GALNT13: variants seen among roughly 807,000 people sequenced by gnomAD.
The protein encoded by GALNT13 is polypeptide N-acetylgalactosaminyltransferase 13.
Under a neutral mutation model 64.2 loss-of-function variants are expected in GALNT13, and 28 were observed. The observed-to-expected ratio is 0.44, with a 90% CI of 0.32 to 0.60. The LOEUF (loss-of-function observed/expected upper bound fraction) is 0.60, where lower values mean the gene tolerates loss of function less well. GALNT13 is among the 20% of genes least tolerant of loss of function. The pLI is 0.05. For synonymous variants in GALNT13, 214 were observed against 224.6 expected (o/e 0.95, Z 0.42); for missense variants, 577 against 669.8 (o/e 0.86, Z 1.53).
the GALNT13 span, among the ~76,000 whole-genome samples, chr2:153,638,234 T>G: frequency 6.6e-6 from 1 of 152,094 alleles, no homozygotes; most frequent in African/African-American, 2.4e-5. Context: ...TGTAAAGATA[T>G]TCATTGGATC....
At chr2:154,402,345 A>G (rs934992887) in intron 10 of GALNT13, among the ~76,000 whole-genome samples, 2 of 152,196 alleles carry the variant, frequency 1.3e-5, no homozygotes, top group African/African-American at 2.4e-5. Context: ...AACAAATTAT[A>G]TAAGTGATAC....
intron 9 of GALNT13, among the ~76,000 whole-genome samples, chr2:154,325,668 A>G (rs1694840093): frequency 6.6e-6 from 1 of 152,058 alleles, no homozygotes; most frequent in South Asian, 2.1e-4. Flanking sequence ...GTGATGCTTT[A>G]GTATAGTCAT....
chr2:153,451,317 C>T, the GALNT13 span, among the ~76,000 whole-genome samples: 2 of 152,108 alleles, frequency 1.3e-5, no homozygotes, highest in African/African-American at 4.8e-5. Flanking sequence ...TCTTCCAACC[C>T]ATATGTAACA....
chr2:153,536,203 T>C, the GALNT13 span, among the ~76,000 whole-genome samples: 6 of 152,186 alleles, frequency 3.9e-5, no homozygotes, highest in Non-Finnish European at 5.9e-5. Flanking sequence ...CAAGCTCCAA[T>C]GGTAAAACTA....
chr2:153,633,384 A>AT, the GALNT13 span, among the ~76,000 whole-genome samples: 25 of 152,216 alleles, frequency 1.6e-4, no homozygotes, highest in South Asian at 3.5e-3. Context: ...CCAAGTAGTC[A>AT]TTTTTTTCCC....
intron 4 of GALNT13, among the ~76,000 whole-genome samples, chr2:154,225,065 T>C (rs2105830623): frequency 6.6e-6 from 1 of 150,446 alleles, no homozygotes; most frequent in Non-Finnish European, 1.5e-5. Context: ...CAATAATGAA[T>C]GAAAGACTAG....
chr2:153,843,065 A>T, the GALNT13 span, among the ~76,000 whole-genome samples: 2 of 16,288 alleles, frequency 1.2e-4, no homozygotes, highest in Non-Finnish European at 3.9e-4. Flanking sequence ...ATAGGGGATT[A>T]AAAAAAAAGA....
chr2:153,779,783 G>C, the GALNT13 span, among the ~76,000 whole-genome samples: 1 of 151,994 alleles, frequency 6.6e-6, no homozygotes, highest in African/African-American at 2.4e-5. Context: ...ATAGCTAAAC[G>C]GGTTCCAATT....
chr2:153,888,683 AT>A (rs1687350135), intron 1 of GALNT13, among the ~76,000 whole-genome samples: 1 of 152,006 alleles, frequency 6.6e-6, no homozygotes, highest in Admixed American at 6.6e-5. Context: ...CATAAAATAT[AT>A]TTAAAATCAA....
At chr2:153,144,931 A>G in the GALNT13 span, among the ~76,000 whole-genome samples, 2 of 151,966 alleles carry the variant, frequency 1.3e-5, no homozygotes, top group African/African-American at 4.8e-5. Flanking sequence ...TCAAAAAATG[A>G]TATAAAGTAT....
At chr2:153,333,966 C>A in the GALNT13 span, among the ~76,000 whole-genome samples, 1 of 152,122 alleles carries the variant, frequency 6.6e-6, no homozygotes, top group South Asian at 2.1e-4. Flanking sequence ...TCTTTGGAAA[C>A]AGTCATTTTA....
chr2:153,825,227 A>G, the GALNT13 span, among the ~76,000 whole-genome samples: 1 of 152,206 alleles, frequency 6.6e-6, no homozygotes, highest in Non-Finnish European at 1.5e-5. Flanking sequence ...ATGTTCTAAA[A>G]GGCACAGGAC....
At chr2:153,272,811 G>C in the GALNT13 span, among the ~76,000 whole-genome samples, 125,746 of 152,170 alleles carry the variant, frequency 0.83, 53,154 homozygotes, top group African/African-American at 0.91. Context: ...AAAGACACAT[G>C]CACAGGTACG....
intron 3 of GALNT13, among the ~76,000 whole-genome samples, chr2:154,026,874 T>A (rs568970200): frequency 2.6e-5 from 4 of 152,094 alleles, no homozygotes; most frequent in African/African-American, 9.7e-5. Context: ...TGGGTATGCC[T>A]CATCATGAGA....
chr2:154,225,168 A>AGAT (rs1688545900), intron 4 of GALNT13, among the ~76,000 whole-genome samples: 3 of 142,872 alleles, frequency 2.1e-5, no homozygotes, highest in East Asian at 2.0e-4. Context: ...GATGATAGAT[A>AGAT]GATAGATAGA....
At chr2:153,550,288 G>A in the GALNT13 span, among the ~76,000 whole-genome samples, 2 of 151,250 alleles carry the variant, frequency 1.3e-5, no homozygotes, top group African/African-American at 4.9e-5. Context: ...AGGCTGGAGT[G>A]TAGTGGCACC....
intron 4 of GALNT13, among the ~76,000 whole-genome samples, chr2:154,165,424 C>T (rs1438976722): frequency 6.6e-6 from 1 of 151,972 alleles, no homozygotes; most frequent in African/African-American, 2.4e-5. Flanking sequence ...TGGTAATTAA[C>T]TGAGACATAT....
chr2:154,353,839 C>A (rs1696557381), intron 9 of GALNT13, among the ~76,000 whole-genome samples: 1 of 152,074 alleles, frequency 6.6e-6, no homozygotes, highest in Non-Finnish European at 1.5e-5. Context: ...GTTTCCATAT[C>A]TTGGCTATTG....
chr2:154,377,498 A>G (rs1698056750), intron 9 of GALNT13, among the ~76,000 whole-genome samples: 1 of 152,148 alleles, frequency 6.6e-6, no homozygotes, highest in Admixed American at 6.5e-5. Context: ...CAAGCCCAGA[A>G]CTTCTAAATA....
Sources: gnomAD v4.1 joint callset for allele counts (sites outside exome capture counted in the v4.1 genomes callset) on GRCh38, gnomAD v4.1.1 for gene constraint, MANE v1.5 for transcripts, NCBI Gene and HGNC (gene_info 2026-07-23, HGNC 2026-07-21) for gene names.